LRBA: variants seen among roughly 807,000 people sequenced by gnomAD.
LRBA encodes LPS responsive beige-like anchor protein.
A neutral mutation model predicts 330.0 loss-of-function variants in LRBA; 176 were observed. The ratio of observed to expected loss-of-function variants is 0.53; its 90% CI spans 0.47 to 0.60. LRBA has a LOEUF of 0.60. LRBA is among the 20% of genes least tolerant of loss of function. LRBA has a pLI of 0.00. For missense variants in LRBA, 3,259 were observed against 3,444.8 expected (o/e 0.95, Z 1.35); for synonymous variants, 1,230 against 1,193.0 (o/e 1.03, Z -0.64).
At chr4:151,008,966 T>C (rs1744449258) in intron 2 of LRBA, among the ~76,000 whole-genome samples, 1 of 2,318 alleles carries the variant, frequency 4.3e-4, no homozygotes, top group Non-Finnish European at 4.1e-3. Flanking sequence ...TGAGACTCCA[T>C]CTCAAAAAAA....
intron 40 of LRBA, among the ~76,000 whole-genome samples, chr4:150,586,512 A>T (rs535082132): frequency 1.3e-5 from 2 of 152,294 alleles, no homozygotes; most frequent in East Asian, 1.9e-4. Context: ...CTGACTGAAA[A>T]ATTGTTTTTA....
chr4:150,371,494 A>G (rs894921118), intron 47 of LRBA, among the ~76,000 whole-genome samples: 3 of 152,054 alleles, frequency 2.0e-5, no homozygotes, highest in Non-Finnish European at 4.4e-5. Flanking sequence ...CCTGGCCGCA[A>G]GCTACTATTT....
intron 35 of LRBA, among the ~76,000 whole-genome samples, chr4:150,758,461 T>C (rs571546560): frequency 8.6e-4 from 131 of 152,260 alleles, no homozygotes; most frequent in African/African-American, 2.9e-3. Context: ...ATCTTCAAAA[T>C]AGGTTCATAA....
chr4:150,322,545 A>T (rs1732657921), intron 49 of LRBA, among the ~76,000 whole-genome samples: 1 of 152,250 alleles, frequency 6.6e-6, no homozygotes, highest in South Asian at 2.1e-4. Context: ...TATTTAACAC[A>T]TATTTATTCA....
At chr4:150,445,367 C>CTG (rs1752461264) in intron 44 of LRBA, among the ~76,000 whole-genome samples, 1 of 83,582 alleles carries the variant, frequency 1.2e-5, no homozygotes, top group East Asian at 3.3e-4. Context: ...CTCTCTCTCT[C>CTG]TCTCTCTCTC....
chr4:150,915,226 A>T (rs886410712), intron 8 of LRBA, among the ~76,000 whole-genome samples: 8 of 152,028 alleles, frequency 5.3e-5, no homozygotes, highest in African/African-American at 1.9e-4. Context: ...TGTAAACGTT[A>T]ACAACATACT....
intron 37 of LRBA, among the ~76,000 whole-genome samples, chr4:150,605,420 C>T (rs1774527545): frequency 6.6e-6 from 1 of 152,168 alleles, no homozygotes; most frequent in Non-Finnish European, 1.5e-5. Flanking sequence ...ATAACCTTAA[C>T]AGAAGTCAGT....
At chr4:150,460,894 T>C (rs1247540626) in intron 44 of LRBA, among the ~76,000 whole-genome samples, 1 of 151,910 alleles carries the variant, frequency 6.6e-6, no homozygotes, top group Non-Finnish European at 1.5e-5. Context: ...TTCAGCTTAT[T>C]CTTTTACTAG....
At chr4:150,724,312 G>T (rs568340378) in intron 36 of LRBA, among the ~76,000 whole-genome samples, 1 of 152,248 alleles carries the variant, frequency 6.6e-6, no homozygotes, top group Admixed American at 6.5e-5. Context: ...AAGAACAAGA[G>T]CCTCTGGCTG....
At chr4:150,420,136 C>T (rs927041472) in intron 46 of LRBA, among the ~76,000 whole-genome samples, 1 of 150,076 alleles carries the variant, frequency 6.7e-6, no homozygotes, top group East Asian at 1.9e-4. Context: ...CCCAGCTATT[C>T]GAGAGATTGA....
chr4:150,525,344 T>C (rs1007996104), intron 40 of LRBA, among the ~76,000 whole-genome samples: 1 of 152,070 alleles, frequency 6.6e-6, no homozygotes, highest in African/African-American at 2.4e-5. Context: ...TTTTTTTTCA[T>C]AGCCCAAAAG....
At chr4:150,658,951 G>T (rs1203946954) in intron 37 of LRBA, among the ~76,000 whole-genome samples, 1 of 68,548 alleles carries the variant, frequency 1.5e-5, no homozygotes, top group Non-Finnish European at 3.8e-5. Context: ...GCCCCTAACC[G>T]CGAGTGATCC....
chr4:150,446,611 G>A (rs1009421363), intron 44 of LRBA, among the ~76,000 whole-genome samples: 2 of 152,102 alleles, frequency 1.3e-5, no homozygotes, highest in East Asian at 3.8e-4. Context: ...CCAAAATGAA[G>A]CCCTTATACC....
At chr4:150,294,301 A>C (rs947420991) in intron 53 of LRBA, among the ~76,000 whole-genome samples, 1 of 152,222 alleles carries the variant, frequency 6.6e-6, no homozygotes, top group South Asian at 2.1e-4. Context: ...GCAAATACTA[A>C]GAATGCTTTA....
intron 22 of LRBA, among the ~76,000 whole-genome samples, chr4:150,860,811 G>A (rs994503954): frequency 2.0e-5 from 3 of 150,630 alleles, no homozygotes; most frequent in Admixed American, 1.3e-4. Context: ...GCGAGACTCC[G>A]TCTCAAAAAA....
Position 150,599,061 on chromosome 4 carries a change from T to C in LRBA, c.5992A>G (p.Asn1998Asp). The C allele has an allele frequency of 6.2e-7, 1 of 1,614,028 alleles. No homozygotes were observed. The highest frequency in any genetic ancestry group is 8.5e-7 in the Non-Finnish European group (1 of 1,179,958). Residue 1998 changes from asparagine to aspartate, a missense_variant, in exon 38 of 57, where the codon AAC becomes GAC. Coordinates refer to ENST00000651943, the MANE Select transcript of LRBA (RefSeq NM_001364905.1). ...DLRRRRRFVR[N>D]PLGSTHPEAT... ...TCAGGATGTGTCGATCCTAGAGGGT[T>C]ACGCACAAATCGTCGCCGGCGCCGC...
intron 52 of LRBA, among the ~76,000 whole-genome samples, chr4:150,306,768 C>CA (rs1317465927): frequency 6.6e-6 from 1 of 151,934 alleles, no homozygotes; most frequent in Admixed American, 6.6e-5. Context: ...AGCATTTTCC[C>CA]AAAAAAATCA....
At chr4:150,491,811 T>C (rs1758988056) in intron 40 of LRBA, among the ~76,000 whole-genome samples, 1 of 152,126 alleles carries the variant, frequency 6.6e-6, no homozygotes, top group Admixed American at 6.6e-5. Context: ...AAAACGTTCA[T>C]TTCAAAAGCT....
intron 2 of LRBA, among the ~76,000 whole-genome samples, chr4:151,000,889 G>T (rs988458400): frequency 6.6e-6 from 1 of 152,222 alleles, no homozygotes; most frequent in Non-Finnish European, 1.5e-5. Flanking sequence ...CAGCCTGCTC[G>T]GCTGGGAGCC....
Sources: allele counts gnomAD v4.1 joint callset (sites outside exome capture counted in the v4.1 genomes callset), GRCh38; gene constraint gnomAD v4.1.1; transcripts MANE v1.5; gene names NCBI Gene and HGNC (gene_info 2026-07-23, HGNC 2026-07-21).